Variants in LGR5 observed in about 807,000 individuals in gnomAD.
LGR5 encodes leucine rich repeat containing G protein-coupled receptor 5.
A neutral mutation model predicts 76.7 loss-of-function variants in LGR5; 54 were observed. The ratio of observed to expected loss-of-function variants is 0.70; its 90% CI spans 0.57 to 0.88. The LOEUF is 0.88. Ranked by LOEUF, LGR5 falls within the 40% of genes least tolerant of loss-of-function variation. The pLI, the probability that LGR5 is intolerant of heterozygous loss-of-function variation, is 0.00. For synonymous variants in LGR5, 406 were observed against 421.9 expected (o/e 0.96, Z 0.46); for missense variants, 1,078 against 1,073.3 (o/e 1.00, Z -0.06).
In LGR5 at chr12:71,583,827, C is replaced by T. The variant is rs749550777; in HGVS notation, c.1817C>T (p.Thr606Met). Reference protein sequence around the residue: ...IGVIAAVNMLTGVSSAVLAGV... With the variant: ...IGVIAAVNMLMGVSSAVLAGV... ...GTCATCGCAGCAGTGAACATGCTCA[C>T]GGGAGTCTCCAGTGCCGTGCTGGCT... is the stretch of plus-strand genomic sequence containing the variant. The change falls in exon 18 of 18, where the codon ACG becomes ATG. Residue 606 changes from threonine (T) to methionine (M), a missense_variant. Thr to Met is a moderately conservative substitution (Grantham distance 81). Transcript: ENST00000266674. The T allele has an allele frequency of 1.7e-5, 27 of 1,613,980 alleles. No individual in the cohort carries two copies. The highest frequency in any genetic ancestry group is 1.6e-4 in the Middle Eastern group (1 of 6,084).
intron 3 of LGR5, among the ~76,000 whole-genome samples, chr12:71,525,463 A>G (rs1875948321): frequency 1.3e-5 from 2 of 151,036 alleles, no homozygotes; most frequent in Admixed American, 1.3e-4. Context: ...GCCAAATCCT[A>G]ATAGTAATTC....
At chr12:71,532,510 C>T (rs1282349286) in intron 3 of LGR5, among the ~76,000 whole-genome samples, 6 of 152,108 alleles carry the variant, frequency 3.9e-5, no homozygotes, top group Middle Eastern at 3.2e-3. Context: ...AACGTAATTA[C>T]GTTCCTTAGA....
intron 1 of LGR5, among the ~76,000 whole-genome samples, chr12:71,495,021 C>G (rs1874247933): frequency 6.6e-6 from 1 of 150,942 alleles, no homozygotes; most frequent in Non-Finnish European, 1.5e-5. Context: ...CAGCAGGTAC[C>G]TTTTGCCTGG....
chr12:71,544,805 A>G (rs1877071220), intron 4 of LGR5, among the ~76,000 whole-genome samples: 1 of 152,202 alleles, frequency 6.6e-6, no homozygotes, highest in African/African-American at 2.4e-5. Context: ...CACGATTTTC[A>G]CTTTATTGAA....
At position 71,567,014 on chromosome 12, in the gene LGR5, T is replaced by G. The variant is rs1230850549; in HGVS notation, c.1070+102T>G. 3 of 999,200 alleles carry G rather than the reference T, an allele frequency of 3.0e-6. No individual in the cohort carries two copies. The African/African-American group carries it at 4.8e-5, about 16-fold the overall frequency. The allele number at this position is 999,200 out of a possible 1,614,324, so 61.9% of individuals were successfully genotyped here. ...ATAATCTCTTTAAAAGAGGAGAAAG[T>G]TTTTCCTTTCAGGTCTGCAGGAGGT... On this transcript the variant is annotated intron_variant, in intron 11 of 17. Transcript: ENST00000266674.
At chr12:71,551,996 A>G (rs2137408194) in intron 4 of LGR5, among the ~76,000 whole-genome samples, 1 of 152,132 alleles carries the variant, frequency 6.6e-6, no homozygotes, top group African/African-American at 2.4e-5. Flanking sequence ...TCCCTGAGGC[A>G]TGTCTCTAAC....
chr12:71,462,512 CCT>C (rs1872722199), intron 1 of LGR5, among the ~76,000 whole-genome samples: 1 of 152,120 alleles, frequency 6.6e-6, no homozygotes, highest in Admixed American at 6.6e-5. Flanking sequence ...CTTTCCTCCC[CCT>C]GTCTTTGCTC....
chr12:71,568,347 G>C (rs1429829278), intron 11 of LGR5, among the ~76,000 whole-genome samples: 2 of 152,178 alleles, frequency 1.3e-5, no homozygotes, highest in African/African-American at 4.8e-5. Context: ...CAGTTTCCCA[G>C]TCTATAAAAG....
At position 71,583,746 on chromosome 12, in the gene LGR5, C is replaced by A. The variant is rs2137484881; in HGVS notation, c.1736C>A (p.Thr579Asn). The change falls in exon 18 of 18, where the codon ACT becomes AAT. Residue 579 changes from threonine (T) to asparagine (N), a missense_variant. By Grantham distance (65) the Thr-to-Asn change is moderately conservative. Transcript: ENST00000266674. ...VLALTCNALV[T>N]STVFRSPLYI... ...GCACTTACTTGTAATGCTTTGGTGA[C>A]TTCAACAGTTTTCAGATCCCCTCTG... 1 of 1,614,092 alleles carries A rather than the reference C, an allele frequency of 6.2e-7. No homozygotes were observed. The highest frequency in any genetic ancestry group is 2.2e-5 in the East Asian group (1 of 44,860).
intron 1 of LGR5, among the ~76,000 whole-genome samples, chr12:71,476,395 G>A (rs914612638): frequency 6.6e-6 from 1 of 152,142 alleles, no homozygotes; most frequent in Non-Finnish European, 1.5e-5. Context: ...GTCTACTCTA[G>A]GGTTCAAGCC....
At chr12:71,500,118 A>C (rs1874532992) in intron 1 of LGR5, among the ~76,000 whole-genome samples, 1 of 152,162 alleles carries the variant, frequency 6.6e-6, no homozygotes, top group Non-Finnish European at 1.5e-5. Flanking sequence ...TTCCTAGAAT[A>C]AAACCTGACC....
intron 1 of LGR5, among the ~76,000 whole-genome samples, chr12:71,487,998 A>G (rs1052940394): frequency 6.6e-6 from 1 of 152,216 alleles, no homozygotes; most frequent in Non-Finnish European, 1.5e-5. Context: ...GAGGGTACCA[A>G]GCTTTTTTAG....
At chr12:71,534,404 A>G (rs897273338) in intron 3 of LGR5, among the ~76,000 whole-genome samples, 1 of 152,250 alleles carries the variant, frequency 6.6e-6, no homozygotes, top group Non-Finnish European at 1.5e-5. Flanking sequence ...AATTTAGCTT[A>G]TATCAAAATA....
Position 71,512,625 on chromosome 12 carries a change from G to T in LGR5, c.284+7940G>T, listed in dbSNP as rs79486834. On this transcript the variant is annotated intron_variant, in intron 2 of 17. Transcript: ENST00000266674. ...GCACCCCAACAGACAAAGGCAGTCA[G>T]GGACTCATCAGTTGGTTGAACATAG... 1.6e-3 allele frequency among the ~76,000 whole-genome samples: 247 copies of T among 152,286 alleles called. 3 individuals are homozygous for T. In the East Asian group the frequency reaches 0.025, roughly 15 times the overall value.
intron 3 of LGR5, among the ~76,000 whole-genome samples, chr12:71,527,143 C>G (rs970515531): frequency 3.3e-5 from 5 of 152,088 alleles, no homozygotes; most frequent in Non-Finnish European, 7.4e-5. Context: ...GGGTCCCTGT[C>G]AGTGTGAGGA....
intron 1 of LGR5, among the ~76,000 whole-genome samples, chr12:71,476,670 C>G (rs1279097451): frequency 6.6e-6 from 1 of 152,172 alleles, no homozygotes; most frequent in Non-Finnish European, 1.5e-5. Flanking sequence ...CAGCAGACAC[C>G]ACACTATGGT....
rs1347544715 is a variant in LGR5 at position 71,585,320 on chromosome 12, A to G, written c.*586A>G. 6.5e-6 allele frequency: 1 copy of G among 152,862 alleles called. No individual in the cohort carries two copies. Among genetic ancestry groups the G allele is most frequent in the African/African-American group, 2.4e-5 (1 of 41,458 alleles). The allele number at this position is 152,862 out of a possible 1,614,324, so 9.5% of individuals were successfully genotyped here. The stretch of plus-strand genomic sequence containing the variant: ...AATGTAAGGTATTGTTAACTCACTC[A>G]TATTGAGATCATTTTTAGAGATACC... On this transcript the variant is annotated 3_prime_UTR_variant, in exon 18 of 18. Transcript: ENST00000266674.
intron 4 of LGR5, among the ~76,000 whole-genome samples, chr12:71,539,784 T>G (rs1168986231): frequency 3.9e-5 from 6 of 152,166 alleles, no homozygotes; most frequent in South Asian, 2.1e-4. Flanking sequence ...AGGCCACTTG[T>G]GTTCTTTTAA....
rs990740332 is a variant in LGR5 at position 71,491,714 on chromosome 12, T to C, written c.213-12900T>C. ...TACAGTCCAGGTGTATTGCTGTTTT[T>C]TCCAAATAAAGGCAAACAAGTATTG... On this transcript the variant is annotated intron_variant, in intron 1 of 17. Coordinates refer to ENST00000266674, the MANE Select transcript of LGR5 (RefSeq NM_003667.4). Among the ~76,000 whole-genome samples, 4 of 150,814 alleles carry C rather than the reference T, an allele frequency of 2.7e-5. No individual in the cohort carries two copies. The South Asian group carries it at 8.6e-4, about 32-fold the overall frequency.
Sources: allele counts gnomAD v4.1 joint callset (sites outside exome capture counted in the v4.1 genomes callset), GRCh38; gene constraint gnomAD v4.1.1; transcripts MANE v1.5; gene names NCBI Gene and HGNC (gene_info 2026-07-23, HGNC 2026-07-21).